TRAK1: variants seen among roughly 807,000 people sequenced by gnomAD.
TRAK1 encodes trafficking kinesin protein 1, also known as trafficking kinesin-binding protein 1.
Under a neutral mutation model 92.1 loss-of-function variants are expected in TRAK1, and 33 were observed. That is an observed-to-expected ratio of 0.36 (90% CI 0.27 to 0.48). The LOEUF (loss-of-function observed/expected upper bound fraction) is 0.48. Among genes scored for constraint, TRAK1 ranks in the 20% least tolerant of loss-of-function variants. The probability of loss-of-function intolerance (pLI) is 0.99; values close to 1 mark genes in which losing one functional copy is unlikely to be tolerated. For missense variants in TRAK1, 1,123 were observed against 1,257.9 expected, an observed-to-expected ratio of 0.89 and a Z score of 1.62; for synonymous variants, 521 against 517.3, an observed-to-expected ratio of 1.01 and a Z score of -0.10.
At chr3:42,098,016 G>A (rs60611904) in intron 1 of TRAK1, among the ~76,000 whole-genome samples, 2 of 151,152 alleles carry the variant, frequency 1.3e-5, no homozygotes, top group Non-Finnish European at 2.9e-5. Flanking sequence ...TCCTCCCTTC[G>A]TTTCATTTTT....
upstream of TRAK1, among the ~76,000 whole-genome samples, chr3:42,090,233 T>C (rs931230947): frequency 1.3e-5 from 2 of 152,222 alleles, no homozygotes; most frequent in Non-Finnish European, 2.9e-5. Flanking sequence ...GAGGAGGCGA[T>C]GACCCAACCG....
intron 2 of TRAK1, among the ~76,000 whole-genome samples, chr3:42,161,618 A>G (rs1371554532): frequency 6.6e-6 from 1 of 152,240 alleles, no homozygotes; most frequent in African/African-American, 2.4e-5. Flanking sequence ...TGTTTTCAAC[A>G]TTATTTATAA....
At chr3:42,210,881 G>A (rs1708943079) in intron 14 of TRAK1, 1 of 985,298 alleles carries the variant, frequency 1.0e-6, no homozygotes, top group South Asian at 4.7e-5. Context: ...GTGGCCATGA[G>A]TTTACAGAAT....
Position 42,184,657 on chromosome 3 carries a change from T to A in TRAK1, c.364-28T>A, listed in dbSNP as rs1055961395. On this transcript the variant is annotated intron_variant, in intron 3 of 15. Transcript: ENST00000327628. The stretch of plus-strand genomic sequence containing the variant: ...CTTCAGGAAACACAGGTCTTTTGAA[T>A]CTCTGTTCTCCCTCTTTCCTTTTGT... 4 of 1,604,166 alleles carry A rather than the reference T, an allele frequency of 2.5e-6. No individual in the cohort carries two copies. In the Admixed American group the frequency reaches 5.0e-5, roughly 20 times the overall value.
intron 13 of TRAK1, among the ~76,000 whole-genome samples, chr3:42,207,034 A>T (rs1323633529): frequency 6.6e-6 from 1 of 152,132 alleles, no homozygotes; most frequent in East Asian, 1.9e-4. Context: ...AAGGATGAGG[A>T]GGTTGGCATT....
intron 2 of TRAK1, among the ~76,000 whole-genome samples, chr3:42,127,494 A>G (rs1052972494): frequency 1.3e-5 from 2 of 151,760 alleles, no homozygotes; most frequent in Non-Finnish European, 2.9e-5. Flanking sequence ...CTAGGACTAC[A>G]TGTATGTACC....
intron 3 of TRAK1, among the ~76,000 whole-genome samples, chr3:42,179,495 C>T (rs1703701295): frequency 6.6e-6 from 1 of 152,200 alleles, no homozygotes; most frequent in Non-Finnish European, 1.5e-5. Context: ...TGGAATGCAC[C>T]TTTGGGCAGA....
chr3:42,021,619 C>T lies in TRAK1; in HGVS notation c.-519+7502C>T, dbSNP rs150820259. On this transcript the variant is annotated intron_variant, in intron 1 of 16. Transcript: ENST00000487159. ...TGAAATGGAGTCTCACTCTGTTGCC[C>T]AGGCTGAAATGCAGTGGCACGATCT... is the stretch of plus-strand genomic sequence containing the variant. Among the ~76,000 whole-genome samples, 45 of 152,246 alleles carry T rather than the reference C, an allele frequency of 3.0e-4. 1 individual carries two copies. Among genetic ancestry groups the T allele is most frequent in the African/African-American group, 1.1e-3 (44 of 41,538 alleles).
intron 14 of TRAK1, 28 bp downstream of exon 14, chr3:42,210,013 T>C (rs1708809182): frequency 6.2e-7 from 1 of 1,613,890 alleles, no homozygotes; most frequent in South Asian, 1.1e-5. Context: ...CGTGTGACTG[T>C]CTCAGGCAGC....
chr3:42,072,388 T>A (rs895546655), intron 1 of TRAK1, among the ~76,000 whole-genome samples: 1 of 152,088 alleles, frequency 6.6e-6, no homozygotes, highest in Non-Finnish European at 1.5e-5. Flanking sequence ...TCGTAAAGGT[T>A]CCATTGTAAA....
chr3:42,202,944 G>T lies in TRAK1; in HGVS notation c.1744+192G>T. 1 of 1,401,948 alleles carries T rather than the reference G, an allele frequency of 7.1e-7. No individual in the cohort carries two copies. The highest frequency in any genetic ancestry group is 9.3e-7 in the Non-Finnish European group (1 of 1,077,574). The allele number at this position is 1,401,948 out of a possible 1,614,324, so 86.8% of individuals were successfully genotyped here. A position where few individuals can be genotyped will look rare whatever the true frequency, so the allele number is the denominator to read the frequency against. ...GGCCTCCGTCCCTCCCCTCTGGCTGGCAGGTGTGACAATGCACACATAGGC... is the reference window on the plus strand; with the variant it reads ...GGCCTCCGTCCCTCCCCTCTGGCTGTCAGGTGTGACAATGCACACATAGGC... On this transcript the variant is annotated intron_variant, in intron 13 of 15. Coordinates refer to ENST00000327628, the MANE Select transcript of TRAK1 (RefSeq NM_001042646.3). This position sits in a 1 kb window ranked among gnomAD's most constrained non-coding sequence, Gnocchi z 6.1.
intron 1 of TRAK1, among the ~76,000 whole-genome samples, chr3:42,031,045 T>G (rs1188508513): frequency 1.4e-5 from 2 of 147,804 alleles, no homozygotes; most frequent in East Asian, 4.0e-4. Flanking sequence ...TTTTTTTTTT[T>G]TTTTTTTTGA....
In TRAK1 at chr3:42,202,325, G is replaced by A; in HGVS notation, c.1428-111G>A. 1.7e-6 allele frequency: 2 copies of A among 1,194,892 alleles called. No individual in the cohort carries two copies. Among genetic ancestry groups the A allele is most frequent in the Non-Finnish European group, 2.2e-6 (2 of 918,886 alleles). The allele number at this position is 1,194,892 out of a possible 1,614,324, so 74.0% of individuals were successfully genotyped here. A position where few individuals can be genotyped will look rare whatever the true frequency, so the allele number is the denominator to read the frequency against. On this transcript the variant is annotated intron_variant, in intron 12 of 15. Coordinates refer to ENST00000327628, the MANE Select transcript of TRAK1 (RefSeq NM_001042646.3). This position sits in a 1 kb window ranked among gnomAD's most constrained non-coding sequence, Gnocchi z 6.1. ...GTCAACTGCTTGCCTTGGTTCCCAT[G>A]GAGAATCCTGTAGCCCCAGGGAACG...
chr3:42,084,639 C>T (rs2148954976), upstream of TRAK1, among the ~76,000 whole-genome samples: 1 of 152,278 alleles, frequency 6.6e-6, no homozygotes, highest in South Asian at 2.1e-4. Context: ...GGACCCTTGA[C>T]CATCATTGGT....
intron 10 of TRAK1, among the ~76,000 whole-genome samples, chr3:42,196,061 GA>G (rs1392406684): frequency 6.6e-6 from 1 of 152,220 alleles, no homozygotes; most frequent in East Asian, 1.9e-4. Context: ...TATTGTGTGA[GA>G]AAAGTCGAAT....
At chr3:42,027,396 AC>A (rs1377895036) in intron 1 of TRAK1, among the ~76,000 whole-genome samples, 1 of 151,828 alleles carries the variant, frequency 6.6e-6, no homozygotes, top group Non-Finnish European at 1.5e-5. Context: ...GGTGGCGGGC[AC>A]CTATAGTCCC....
intron 1 of TRAK1, among the ~76,000 whole-genome samples, chr3:42,121,260 T>C (rs980485582): frequency 3.6e-5 from 4 of 110,086 alleles, no homozygotes; most frequent in Non-Finnish European, 5.5e-5. Flanking sequence ...TGGGGAATTC[T>C]TTTTTTTTTT....
At chr3:42,021,791 G>A (rs13324287) in intron 1 of TRAK1, among the ~76,000 whole-genome samples, 4,950 of 152,126 alleles carry the variant, frequency 0.033, 270 homozygotes, top group African/African-American at 0.11. Flanking sequence ...GGCCAGACTG[G>A]TCTCGAACTC....
upstream of TRAK1, chr3:42,087,497 G>A (rs923794701): frequency 6.5e-6 from 1 of 152,678 alleles, no homozygotes; most frequent in Admixed American, 6.5e-5. Flanking sequence ...GTCTTGGGGA[G>A]GTATGTGGAG....
Sources: allele counts gnomAD v4.1 joint callset (sites outside exome capture counted in the v4.1 genomes callset), GRCh38; gene constraint gnomAD v4.1.1; non-coding constraint Gnocchi (gnomAD v3.1); transcripts MANE v1.5; gene names NCBI Gene and HGNC (gene_info 2026-07-23, HGNC 2026-07-21).